The following CLOCK variants were observed in gnomAD, a reference collection of about 807,000 sequenced individuals.
CLOCK encodes circadian locomoter output cycles protein kaput.
CLOCK carries 43 observed loss-of-function variants against 118.4 expected under a neutral mutation model. The observed-to-expected ratio is 0.36, with a 90% CI of 0.28 to 0.47. CLOCK has a LOEUF of 0.47. Among genes scored for constraint, CLOCK ranks in the 20% least tolerant of loss-of-function variants. The probability of loss-of-function intolerance (pLI) is 1.00; values close to 1 mark genes in which losing one functional copy is unlikely to be tolerated. For missense variants in CLOCK, 846 were observed against 999.9 expected (o/e 0.85, Z 2.08); for synonymous variants, 326 against 339.2 (o/e 0.96, Z 0.43).
chr4:55,487,545 C>G (rs1006167832), intron 3 of CLOCK, among the ~76,000 whole-genome samples: 1 of 152,098 alleles, frequency 6.6e-6, no homozygotes, highest in Non-Finnish European at 1.5e-5. Flanking sequence ...ACATGTCACC[C>G]CCATTCTCAG....
intron 19 of CLOCK, 66 bp from the exon 20 acceptor site, chr4:55,443,962 G>A (rs1723582776): frequency 1.2e-5 from 17 of 1,439,268 alleles, no homozygotes; most frequent in Non-Finnish European, 1.6e-5. Context: ...GCATTAAAAA[G>A]AAGGCAAAAT....
At chr4:55,537,986 A>G (rs151128548) in intron 1 of CLOCK, among the ~76,000 whole-genome samples, 249 of 152,320 alleles carry the variant, frequency 1.6e-3, no homozygotes, top group African/African-American at 5.4e-3. Context: ...CAGGCAGTCA[A>G]TTAAACTAAA....
Position 55,433,485 on chromosome 4 carries a change from C to CT in CLOCK, c.*1929dup. The stretch of plus-strand genomic sequence containing the variant: ...AGGACAGAGAAGTCTTAAGAACTGG[C>CT]TTAGCATTCCCCTGACCTCTTTACC... On this transcript the variant is annotated 3_prime_UTR_variant, in exon 23 of 23. Coordinates refer to ENST00000513440, the MANE Select transcript of CLOCK (RefSeq NM_004898.4). 6.6e-6 allele frequency: 1 copy of CT among 152,396 alleles called. No individual in the cohort carries two copies. Among genetic ancestry groups the CT allele is most frequent in the Middle Eastern group, 3.4e-3 (1 of 294 alleles). 9.4% of individuals were successfully genotyped at this position (152,396 alleles called of 1,614,324 possible).
At chr4:55,459,532 A>C (rs1215810318) in intron 9 of CLOCK, among the ~76,000 whole-genome samples, 1 of 152,196 alleles carries the variant, frequency 6.6e-6, no homozygotes, top group Non-Finnish European at 1.5e-5. Flanking sequence ...ACTCACTTTC[A>C]AAGGAAAGTT....
At chr4:55,443,631 T>A in intron 20 of CLOCK, 56 bp downstream of exon 20, 3 of 1,301,626 alleles carry the variant, frequency 2.3e-6, no homozygotes, top group South Asian at 2.4e-5. Context: ...GCTTCAGCAA[T>A]AGTGTGCCTT....
chr4:55,537,959 C>A (rs184934640), intron 1 of CLOCK, among the ~76,000 whole-genome samples: 3 of 151,874 alleles, frequency 2.0e-5, no homozygotes, highest in African/African-American at 4.8e-5. Context: ...AAGACCAGGG[C>A]GGAAATAAGA....
intron 18 of CLOCK, 94 bp downstream of exon 18, chr4:55,448,685 T>G: frequency 2.2e-6 from 2 of 909,208 alleles, no homozygotes; most frequent in Middle Eastern, 2.3e-4. Context: ...CTACAGGTGC[T>G]TGCCAGCAAG....
At chr4:55,486,761 A>G (rs1455476947) in intron 3 of CLOCK, among the ~76,000 whole-genome samples, 1 of 152,144 alleles carries the variant, frequency 6.6e-6, no homozygotes, top group Non-Finnish European at 1.5e-5. Context: ...TTTAGATGTG[A>G]CCTGTTATTT....
At chr4:55,478,764 TCTAA>T (rs751744541) in intron 6 of CLOCK, 47 bp downstream of exon 6, 4 of 1,573,382 alleles carry the variant, frequency 2.5e-6, no homozygotes, top group East Asian at 2.2e-5. Context: ...CTGCCAAGAT[TCTAA>T]CTAATGCTTT....
At chr4:55,507,248 C>G (rs12501327) in intron 2 of CLOCK, among the ~76,000 whole-genome samples, 51,355 of 151,904 alleles carry the variant, frequency 0.34, 9,377 homozygotes, top group East Asian at 0.58. Flanking sequence ...CTGGGAGATG[C>G]AGTGAGCTGA....
chr4:55,477,367 A>AT (rs750429983), intron 6 of CLOCK, among the ~76,000 whole-genome samples: 8 of 152,084 alleles, frequency 5.3e-5, no homozygotes, highest in Non-Finnish European at 1.2e-4. Flanking sequence ...GGTTAGTGAG[A>AT]TACTATCTGT....
chr4:55,517,408 G>A (rs1729582770), intron 1 of CLOCK, among the ~76,000 whole-genome samples: 1 of 152,158 alleles, frequency 6.6e-6, no homozygotes, highest in Admixed American at 6.5e-5. Context: ...TACTCAGGAG[G>A]CTGAGGCAGG....
At chr4:55,480,413 T>G (rs1726838517) in intron 4 of CLOCK, among the ~76,000 whole-genome samples, 2 of 152,280 alleles carry the variant, frequency 1.3e-5, no homozygotes, top group South Asian at 2.1e-4. Context: ...CACAGGTACA[T>G]GCCACCATGA....
At chr4:55,464,037 T>C (rs988481949) in intron 8 of CLOCK, among the ~76,000 whole-genome samples, 3 of 152,176 alleles carry the variant, frequency 2.0e-5, no homozygotes, top group African/African-American at 7.2e-5. Flanking sequence ...CAAAGCTGTG[T>C]TTCACCAAAA....
At chr4:55,468,322 C>T (rs1400424633) in intron 8 of CLOCK, among the ~76,000 whole-genome samples, 1 of 151,982 alleles carries the variant, frequency 6.6e-6, no homozygotes, top group African/African-American at 2.4e-5. Flanking sequence ...GCTCCATCTT[C>T]AATAACATCA....
At chr4:55,512,554 C>T (rs796764887) in intron 1 of CLOCK, among the ~76,000 whole-genome samples, 2 of 152,088 alleles carry the variant, frequency 1.3e-5, no homozygotes, top group South Asian at 2.1e-4. Flanking sequence ...TGATAAGTAC[C>T]TCTCACAGAG....
chr4:55,444,925 T>C, intron 18 of CLOCK, 140 bp from the exon 19 acceptor site: 1 of 884,738 alleles, frequency 1.1e-6, no homozygotes, highest in South Asian at 1.5e-5. Context: ...TAGTTTCTAA[T>C]CCACCCATCT....
At chr4:55,435,815 G>A (rs1474602345) in intron 22 of CLOCK, among the ~76,000 whole-genome samples, 1 of 152,194 alleles carries the variant, frequency 6.6e-6, no homozygotes, top group Non-Finnish European at 1.5e-5. Flanking sequence ...AAAGGAATCT[G>A]AGCTACAGAT....
rs549198909 is a variant in CLOCK, at chr4:55,448,786, A to G, written c.1532T>C (p.Met511Thr). Residue 511 changes from methionine (M) to threonine (T), a missense_variant, in exon 18 of 23, where the codon ATG becomes ACG. Physicochemically the swap from Met to Thr is moderately conservative, Grantham distance 81 (BLOSUM62 -1). Transcript: ENST00000513440. ...ACAAAAACCAAAAAGTACCTGGGACATGCCTTGTGGAATTGGTAAATTTGT... is the reference window on the plus strand; with the variant it reads ...ACAAAAACCAAAAAGTACCTGGGACGTGCCTTGTGGAATTGGTAAATTTGT... ...QATNLPIPQG[M>T]SQFQFSAQLG... 1.1e-5 allele frequency: 18 copies of G among 1,613,576 alleles called. No individual in the cohort carries two copies. The highest frequency in any genetic ancestry group is 1.6e-4 in the Middle Eastern group (1 of 6,062).
Sources: allele counts gnomAD v4.1 joint callset (sites outside exome capture counted in the v4.1 genomes callset), GRCh38; gene constraint gnomAD v4.1.1; transcripts MANE v1.5; gene names NCBI Gene and HGNC (gene_info 2026-07-23, HGNC 2026-07-21).